The following IL1RAPL1 variants were observed in gnomAD, a reference collection of about 807,000 sequenced individuals.
The protein encoded by IL1RAPL1 is interleukin-1 receptor accessory protein-like 1.
In IL1RAPL1, 3 loss-of-function variants were observed where a neutral mutation model predicts 48.4. The observed-to-expected ratio is 0.06, with a 90% CI of 0.03 to 0.16. The LOEUF (loss-of-function observed/expected upper bound fraction) is 0.16, where lower values mean the gene tolerates loss of function less well. IL1RAPL1 is among the 10% of genes least tolerant of loss of function. IL1RAPL1 has a pLI of 1.00. For missense variants in IL1RAPL1, 349 were observed against 530.6 expected, an observed-to-expected ratio of 0.66 and a Z score of 3.36; for synonymous variants, 185 against 187.7, an observed-to-expected ratio of 0.99 and a Z score of 0.12.
At chrX:29,560,097 C>T (rs1922139182) in intron 5 of IL1RAPL1, among the ~76,000 whole-genome samples, 1 of 111,545 alleles carries the variant, frequency 9.0e-6, no homozygotes, top group Admixed American at 9.5e-5. Flanking sequence ...ATGATGAACT[C>T]CCTCAGCTTT....
chrX:29,097,065 A>G, intron 2 of IL1RAPL1, among the ~76,000 whole-genome samples: 1 of 112,208 alleles, frequency 8.9e-6, no homozygotes, highest in Middle Eastern at 4.6e-3. Flanking sequence ...CTATAAATTT[A>G]GTCACTAAGA....
rs904329690 is a variant in IL1RAPL1 at position 29,347,659 on chromosome X, G to T, written c.363-48599G>T. Among the ~76,000 whole-genome samples, 9 of 110,711 alleles carry T rather than the reference G, an allele frequency of 8.1e-5. No homozygotes were observed. In the East Asian group the frequency reaches 2.5e-3, roughly 31 times the overall value. ...CCCACCTTAGCTTCCCAAAGTGTTG[G>T]GATTACAGATGTGAGCTACCATGTC... On this transcript the variant is annotated intron_variant, in intron 3 of 10. Coordinates refer to ENST00000378993, the MANE Select transcript of IL1RAPL1 (RefSeq NM_014271.4).
At chrX:29,711,441 C>T (rs926281723) in intron 6 of IL1RAPL1, among the ~76,000 whole-genome samples, 2 of 110,541 alleles carry the variant, frequency 1.8e-5, no homozygotes, top group Non-Finnish European at 3.8e-5. Flanking sequence ...CCTGGGCCTT[C>T]CAAAGTGCTG....
At chrX:28,931,896 G>A (rs2147343594) in intron 2 of IL1RAPL1, among the ~76,000 whole-genome samples, 1 of 108,303 alleles carries the variant, frequency 9.2e-6, no homozygotes, top group South Asian at 4.1e-4. Flanking sequence ...AAAAAAATTA[G>A]CTGGGCGTGG....
At chrX:29,761,800 T>G (rs1325922665) in intron 6 of IL1RAPL1, among the ~76,000 whole-genome samples, 4 of 111,568 alleles carry the variant, frequency 3.6e-5, no homozygotes, top group Non-Finnish European at 5.7e-5. Flanking sequence ...ATTGTTAGTT[T>G]TATCTAGTTC....
At chrX:28,845,217 G>T (rs912080739) in intron 2 of IL1RAPL1, among the ~76,000 whole-genome samples, 1 of 111,000 alleles carries the variant, frequency 9.0e-6, no homozygotes, top group African/African-American at 3.3e-5. Flanking sequence ...TTTCCCCAGG[G>T]TTTACATAGC....
chrX:28,872,869 A>G (rs1305743479), intron 2 of IL1RAPL1, among the ~76,000 whole-genome samples: 1 of 112,088 alleles, frequency 8.9e-6, no homozygotes, highest in Non-Finnish European at 1.9e-5. Context: ...GAACTATAGT[A>G]TTACACAAAT....
chrX:29,775,909 T>A (rs972063384), intron 6 of IL1RAPL1, among the ~76,000 whole-genome samples: 14 of 111,339 alleles, frequency 1.3e-4, no homozygotes, highest in Middle Eastern at 4.2e-3. Context: ...CTGACAGTAA[T>A]TTTTGACCCT....
At chrX:29,182,640 A>G (rs1339088893) in intron 2 of IL1RAPL1, among the ~76,000 whole-genome samples, 1 of 110,807 alleles carries the variant, frequency 9.0e-6, no homozygotes, top group East Asian at 2.8e-4. Context: ...AAATTGTGAA[A>G]CATTGTTTTG....
At chrX:29,054,610 G>T (rs1049875111) in intron 2 of IL1RAPL1, among the ~76,000 whole-genome samples, 4 of 111,054 alleles carry the variant, frequency 3.6e-5, no homozygotes, top group African/African-American at 1.3e-4. Context: ...GCAAGACAAA[G>T]AAAATATTTG....
At chrX:28,651,674 T>C (rs1052401751) in intron 1 of IL1RAPL1, among the ~76,000 whole-genome samples, 1 of 112,646 alleles carries the variant, frequency 8.9e-6, no homozygotes, top group African/African-American at 3.2e-5. Flanking sequence ...TTTGAGAACA[T>C]ACACTACCTA....
At chrX:28,686,161 C>G (rs1935107665) in intron 1 of IL1RAPL1, among the ~76,000 whole-genome samples, 1 of 112,054 alleles carries the variant, frequency 8.9e-6, no homozygotes, top group Non-Finnish European at 1.9e-5. Flanking sequence ...TCAACTCTGC[C>G]TGGGTCATAC....
At chrX:29,272,623 A>G (rs977810139) in intron 2 of IL1RAPL1, among the ~76,000 whole-genome samples, 13 of 110,605 alleles carry the variant, frequency 1.2e-4, no homozygotes, top group African/African-American at 3.6e-4. Context: ...TCTGATAACT[A>G]TGTGTTTTGG....
At chrX:29,603,382 G>A (rs1256026704) in intron 5 of IL1RAPL1, among the ~76,000 whole-genome samples, 1 of 110,702 alleles carries the variant, frequency 9.0e-6, no homozygotes, top group Non-Finnish European at 1.9e-5. Flanking sequence ...CCAGAATCTT[G>A]GCAGTCAGGA....
In IL1RAPL1 at chrX:29,069,161, A is replaced by G. The variant is rs147975879; in HGVS notation, c.83-213777A>G. On this transcript the variant is annotated intron_variant, in intron 2 of 10. Coordinates refer to ENST00000378993, the MANE Select transcript of IL1RAPL1 (RefSeq NM_014271.4). Reference sequence around the variant, plus strand: ...CATACTGTAAGGGAAGCATATTCTAATATGGGAAAAATGGATCAGATGTCT... The same window carrying G: ...CATACTGTAAGGGAAGCATATTCTAGTATGGGAAAAATGGATCAGATGTCT... 3.8e-4 allele frequency among the ~76,000 whole-genome samples: 43 copies of G among 112,099 alleles called. No individual in the cohort carries two copies. In the East Asian group the frequency reaches 5.3e-3, roughly 14 times the overall value.
chrX:29,188,150 C>T (rs1370245067), intron 2 of IL1RAPL1, among the ~76,000 whole-genome samples: 1 of 112,141 alleles, frequency 8.9e-6, no homozygotes, highest in Non-Finnish European at 1.9e-5. Context: ...TAAAATCATT[C>T]TCCTTCCACA....
chrX:28,677,351 C>T (rs988544670), intron 1 of IL1RAPL1, among the ~76,000 whole-genome samples: 25 of 112,220 alleles, frequency 2.2e-4, no homozygotes, highest in Non-Finnish European at 4.7e-4. Flanking sequence ...CCCCCTTTCA[C>T]AGTATGTCAT....
At chrX:29,202,751 C>G (rs1027532790) in intron 2 of IL1RAPL1, among the ~76,000 whole-genome samples, 1 of 111,724 alleles carries the variant, frequency 9.0e-6, no homozygotes, top group African/African-American at 3.3e-5. Flanking sequence ...AGTGAACTAA[C>G]ACAGGAACAG....
intron 6 of IL1RAPL1, among the ~76,000 whole-genome samples, chrX:29,862,466 C>A (rs113022991): frequency 1.8e-5 from 2 of 110,693 alleles, no homozygotes; most frequent in South Asian, 3.8e-4. Context: ...ATGCTGAGCT[C>A]GGCAGAAAGT....
Sources: gnomAD v4.1 joint callset for allele counts (sites outside exome capture counted in the v4.1 genomes callset) on GRCh38, gnomAD v4.1.1 for gene constraint, MANE v1.5 for transcripts, NCBI Gene and HGNC (gene_info 2026-07-23, HGNC 2026-07-21) for gene names.